TMPRSS4: variants seen among roughly 807,000 people sequenced by gnomAD.
TMPRSS4 encodes the protein transmembrane protease serine 4.
A neutral mutation model predicts 56.4 loss-of-function variants in TMPRSS4; 45 were observed. The ratio of observed to expected loss-of-function variants is 0.80; its 90% CI spans 0.63 to 1.02. The LOEUF is 1.02. Ranked by LOEUF, TMPRSS4 falls within the 50% of genes least tolerant of loss-of-function variation. The probability of loss-of-function intolerance (pLI) is 0.00; values close to 1 mark genes in which losing one functional copy is unlikely to be tolerated. For missense variants in TMPRSS4, 546 were observed against 556.7 expected (o/e 0.98, Z 0.19); for synonymous variants, 205 against 211.0 (o/e 0.97, Z 0.25).
chr11:118,103,108 GAT>G lies in TMPRSS4; in HGVS notation c.166_167del (p.Ile56SerfsTer3). On this transcript the variant is annotated frameshift_variant, in exon 4 of 13. Transcript: ENST00000437212. LOFTEE classifies it high-confidence loss of function. ...IIIVVVLIKV[I>X]LDKYYFLCGQ... ...CCTGCACTTGCCTTCCAGTCAAGGT[GAT>G]TCTGGATAAATACTACTTCCTCTGC... 1 of 1,614,150 alleles carries G rather than the reference GAT, an allele frequency of 6.2e-7. No individual in the cohort carries two copies.
intron 6 of TMPRSS4, chr11:118,108,152 A>G (rs17121713): frequency 0.039 from 13,366 of 344,986 alleles, 846 homozygotes; most frequent in African/African-American, 0.15. Flanking sequence ...CTTTCCATCA[A>G]TCTGGATAGT....
chr11:118,087,750 C>T (rs1945662320), intron 1 of TMPRSS4: 1 of 152,176 alleles, frequency 6.6e-6, no homozygotes, highest in African/African-American at 2.4e-5. Flanking sequence ...CTAAGCCCAA[C>T]CAGGAGGTTC....
downstream of TMPRSS4, among the ~76,000 whole-genome samples, chr11:118,123,510 G>A (rs1472065928): frequency 2.0e-5 from 3 of 151,726 alleles, no homozygotes; most frequent in East Asian, 2.0e-4. Flanking sequence ...TCAATGTCAT[G>A]TAATTACTGT....
At chr11:118,091,469 T>C (rs1945957611) in intron 1 of TMPRSS4, among the ~76,000 whole-genome samples, 1 of 152,088 alleles carries the variant, frequency 6.6e-6, no homozygotes. Context: ...CCTACCCCTC[T>C]CTGATCTTTT....
At chr11:118,096,871 G>T (rs1946334471) in intron 2 of TMPRSS4, among the ~76,000 whole-genome samples, 1 of 42,078 alleles carries the variant, frequency 2.4e-5, no homozygotes, top group Non-Finnish European at 5.1e-5. Flanking sequence ...AAGAAAGAAA[G>T]AAAGAAAGAA....
chr11:118,111,138 G>A (rs994401656), intron 7 of TMPRSS4, among the ~76,000 whole-genome samples: 1 of 152,204 alleles, frequency 6.6e-6, no homozygotes, highest in African/African-American at 2.4e-5. Context: ...AACCGTGGTG[G>A]TGGCTGCCAG....
In TMPRSS4 at chr11:118,104,835, C is replaced by A. The variant is rs1229063810; in HGVS notation, c.440+15C>A. The A allele has an allele frequency of 6.4e-7, 1 of 1,557,674 alleles. No individual in the cohort carries two copies. Among genetic ancestry groups the A allele is most frequent in the Non-Finnish European group, 8.7e-7 (1 of 1,151,408 alleles). On this transcript the variant is annotated intron_variant, in intron 5 of 12. Transcript: ENST00000437212. Reference sequence around the variant, plus strand: ...GGCTACAGCAGGTAACCAACCTGGGCCTCTCTCCTTTTTCCCTCCTTCCTC... The same window carrying A: ...GGCTACAGCAGGTAACCAACCTGGGACTCTCTCCTTTTTCCCTCCTTCCTC...
chr11:118,077,425 AAG>A (rs1944740903), intron 1 of TMPRSS4, 120 bp downstream of exon 1: 1 of 1,244,526 alleles, frequency 8.0e-7, no homozygotes. Flanking sequence ...AGGTTAAAAA[AAG>A]AGGCCACACC....
intron 6 of TMPRSS4, 182 bp from the exon 7 acceptor site, chr11:118,108,674 G>A: frequency 3.2e-6 from 2 of 620,378 alleles, no homozygotes; most frequent in Non-Finnish European, 5.7e-6. Context: ...CAATCAAACG[G>A]AAGTGTCAAT....
At chr11:118,081,306 G>A (rs1945105629) in intron 1 of TMPRSS4, among the ~76,000 whole-genome samples, 1 of 152,310 alleles carries the variant, frequency 6.6e-6, no homozygotes, top group African/African-American at 2.4e-5. Context: ...GTCTGAGCCT[G>A]CCCGGAAACC....
In TMPRSS4 at chr11:118,077,135, G is replaced by C; in HGVS notation, c.-168G>C. The stretch of plus-strand genomic sequence containing the variant: ...TGCTCAGCGGACAAGGATGCTGGGC[G>C]TGAGGGACCAAGGCCTGCCCTGCAC... On this transcript the variant is annotated 5_prime_UTR_variant, in exon 1 of 13. Transcript: ENST00000437212. 1.5e-6 allele frequency: 1 copy of C among 666,740 alleles called. No individual in the cohort carries two copies. Among genetic ancestry groups the C allele is most frequent in the South Asian group, 2.1e-5 (1 of 47,670 alleles). The allele number at this position is 666,740 out of a possible 1,614,324, so 41.3% of individuals were successfully genotyped here. A position where few individuals can be genotyped will look rare whatever the true frequency, so the allele number is the denominator to read the frequency against.
chr11:118,077,285 G>T lies in TMPRSS4; in HGVS notation c.-18G>T, dbSNP rs780014835. On this transcript the variant is annotated 5_prime_UTR_variant, in exon 1 of 13. Coordinates refer to ENST00000437212, the MANE Select transcript of TMPRSS4 (RefSeq NM_019894.4). Reference sequence around the variant, plus strand: ...CAGCTCCAGGCTACAGGGAGACCGGGAGGATCACAGAGCCAGCATGGTGAG... The same window carrying T: ...CAGCTCCAGGCTACAGGGAGACCGGTAGGATCACAGAGCCAGCATGGTGAG... The T allele has an allele frequency of 1.2e-6, 2 of 1,601,386 alleles. No homozygotes were observed. Among genetic ancestry groups the T allele is most frequent in the South Asian group, 2.3e-5 (2 of 88,314 alleles).
chr11:118,102,527 G>T (rs775295350), intron 3 of TMPRSS4, among the ~76,000 whole-genome samples: 5 of 152,170 alleles, frequency 3.3e-5, no homozygotes, highest in African/African-American at 7.2e-5. Flanking sequence ...AGCCAACATG[G>T]TGAAACCCCG....
In TMPRSS4 at chr11:118,107,867, C is replaced by T. The variant is rs1336016783; in HGVS notation, c.534C>T (p.Asn178=). 1.2e-6 allele frequency: 2 copies of T among 1,613,886 alleles called. No homozygotes were observed. Among genetic ancestry groups the T allele is most frequent in the South Asian group, 1.1e-5 (1 of 91,034 alleles). The stretch of plus-strand genomic sequence containing the variant: ...ACAGCCAGGAGCTTCGCATGCGGAA[C>T]TCAAGTGGGTAAGTGAGGGGACACC... The part of the protein sequence containing the change: ...TENSQELRMR[N]SSGPCLSGSL... The change falls in exon 6 of 13, where the codon AAC becomes AAT. Residue 178 remains asparagine (N), a synonymous_variant. Transcript: ENST00000437212.
At position 118,114,868 on chromosome 11, in the gene TMPRSS4, A is replaced by G. The variant is rs1253587498; in HGVS notation, c.950A>G (p.Glu317Gly). 2.5e-6 allele frequency: 4 copies of G among 1,609,150 alleles called. No homozygotes were observed. ...ATCTGTCTGCCCTTCTTTGATGAGG[A>G]GCTCACTCCAGCCACCCCACTCTGG... ...RPICLPFFDE[E>G]LTPATPLWII... Residue 317 changes from glutamate to glycine, a missense_variant, in exon 10 of 13, where the codon GAG becomes GGG. Coordinates refer to ENST00000437212, the MANE Select transcript of TMPRSS4 (RefSeq NM_019894.4).
In TMPRSS4 at chr11:118,102,478, C is replaced by T. The variant is rs372009272; in HGVS notation, c.158-623C>T. Among the ~76,000 whole-genome samples, 54 of 152,218 alleles carry T rather than the reference C, an allele frequency of 3.5e-4. 1 individual carries two copies. In the East Asian group the frequency reaches 9.8e-3, roughly 28 times the overall value. ...ATCCCAGCACTTTGGGAGGCCGAGGCGGGTGGATCACCTGAGGTCAGGAGG... is the reference window on the plus strand; with the variant it reads ...ATCCCAGCACTTTGGGAGGCCGAGGTGGGTGGATCACCTGAGGTCAGGAGG... On this transcript the variant is annotated intron_variant, in intron 3 of 12. Transcript: ENST00000437212.
At chr11:118,079,583 C>T (rs938873302) in intron 1 of TMPRSS4, among the ~76,000 whole-genome samples, 45 of 152,194 alleles carry the variant, frequency 3.0e-4, no homozygotes, top group South Asian at 1.0e-3. Flanking sequence ...ATTACTGTTC[C>T]GGAGACCTAA....
intron 1 of TMPRSS4, among the ~76,000 whole-genome samples, chr11:118,080,808 C>T (rs1945068727): frequency 6.6e-6 from 1 of 152,166 alleles, no homozygotes; most frequent in Non-Finnish European, 1.5e-5. Context: ...GCTTTCAGGC[C>T]TGAAAATCTC....
intron 1 of TMPRSS4, among the ~76,000 whole-genome samples, chr11:118,084,332 T>A (rs1437270289): frequency 2.6e-5 from 4 of 152,106 alleles, no homozygotes; most frequent in Non-Finnish European, 1.5e-5. Context: ...AAGGAAAAAC[T>A]TCATGAAGCA....
Sources: gnomAD v4.1 joint callset for allele counts (sites outside exome capture counted in the v4.1 genomes callset) on GRCh38, gnomAD v4.1.1 for gene constraint, MANE v1.5 for transcripts, NCBI Gene and HGNC (gene_info 2026-07-23, HGNC 2026-07-21) for gene names.